The following DNAI3 variants were observed in gnomAD, a reference collection of about 807,000 sequenced individuals.
DNAI3 encodes the protein dynein axonemal intermediate chain 3.
A neutral mutation model predicts 115.5 loss-of-function variants in DNAI3; 83 were observed. The observed-to-expected ratio is 0.72, with a 90% confidence interval of 0.60 to 0.86. The LOEUF (loss-of-function observed/expected upper bound fraction) is 0.86, where lower values mean the gene tolerates loss of function less well. DNAI3 is among the 40% of genes least tolerant of loss of function. The pLI, the probability that DNAI3 is intolerant of heterozygous loss-of-function variation, is 0.00. For missense variants in DNAI3, 1,004 were observed against 1,075.8 expected (o/e 0.93, Z 0.93); for synonymous variants, 320 against 347.0 (o/e 0.92, Z 0.86).
chr1:85,062,804 TAATGAATG>T (rs10573039), intron 1 of DNAI3, among the ~76,000 whole-genome samples: 2,473 of 150,750 alleles, frequency 0.016, 35 homozygotes, highest in African/African-American at 0.036. Flanking sequence ...ATGAGTCAGT[TAATGAATG>T]AATGAATGAA....
rs1273149525 is a variant in DNAI3 at position 85,121,165 on chromosome 1, C to T, written c.1918-586C>T. 2.6e-5 allele frequency among the ~76,000 whole-genome samples: 4 copies of T among 152,332 alleles called. No homozygotes were observed. In the East Asian group the frequency reaches 7.7e-4, roughly 29 times the overall value. ...TTCATCGGTTCTCTCTGTCTTTCCC[C>T]TTTGCATGACTGTTTCTTCCTCTTC... On this transcript the variant is annotated intron_variant, in intron 17 of 22. Transcript: ENST00000294664.
chr1:85,093,631 G>A lies in DNAI3; in HGVS notation c.1031G>A (p.Trp344Ter), dbSNP rs780819785. ...PTEKMITCVSWHPTIYGLIAV... is the reference protein window; with the variant it reads ...PTEKMITCVS ...GAGAAAATGATTACCTGTGTCTCAT[G>A]GCATCCAACTATCTATGGTGAGATG... The change falls in exon 9 of 23, where the codon TGG (tryptophan) becomes TAG (stop). Residue 344 changes from tryptophan to a stop codon, truncating the protein, a stop_gained. Transcript: ENST00000294664. LOFTEE classifies it high-confidence loss of function. The A allele has an allele frequency of 4.3e-6, 7 of 1,614,026 alleles. No individual in the cohort carries two copies. Among genetic ancestry groups the A allele is most frequent in the Non-Finnish European group, 5.9e-6 (7 of 1,179,942 alleles).
intron 20 of DNAI3, among the ~76,000 whole-genome samples, chr1:85,127,807 A>G (rs1656193475): frequency 6.6e-6 from 1 of 152,120 alleles, no homozygotes; most frequent in Non-Finnish European, 1.5e-5. Flanking sequence ...ACACACACAC[A>G]GTGAGATAGA....
At position 85,072,729 on chromosome 1, in the gene DNAI3, A is replaced by G. The variant is rs1252475320; in HGVS notation, c.65-325A>G. Among the ~76,000 whole-genome samples the G allele has an allele frequency of 8.6e-5, 13 of 151,232 alleles. No homozygotes were observed. The South Asian group carries it at 1.5e-3, about 17-fold the overall frequency. ...CCAGCACTTTGGGAGGCCAAGGTGG[A>G]CGGATCACAAGGTCAGGAGATGGAG... On this transcript the variant is annotated intron_variant, in intron 2 of 22. Coordinates refer to ENST00000294664, the MANE Select transcript of DNAI3 (RefSeq NM_145172.5).
Position 85,094,570 on chromosome 1 carries a change from T to G in DNAI3, c.1173+15T>G, listed in dbSNP as rs375446334. On this transcript the variant is annotated intron_variant, in intron 10 of 22. Transcript: ENST00000294664. ...TACATCCTCAGGTAATTAGGGAGAG[T>G]TGCCTACATAGCCTAAATTTTCAAA... is the stretch of plus-strand genomic sequence containing the variant. The G allele has an allele frequency of 2.5e-4, 404 of 1,612,374 alleles. No homozygotes were observed. The highest frequency in any genetic ancestry group is 3.3e-4 in the Non-Finnish European group (393 of 1,179,436).
intron 5 of DNAI3, among the ~76,000 whole-genome samples, chr1:85,083,254 C>G (rs1009499195): frequency 6.6e-6 from 1 of 152,154 alleles, no homozygotes; most frequent in African/African-American, 2.4e-5. Context: ...CTTCGGGAGG[C>G]TGAGGCGGGA....
At chr1:85,108,338 G>A (rs709759) in intron 15 of DNAI3, among the ~76,000 whole-genome samples, 161 bp downstream of exon 15, 78,227 of 151,814 alleles carry the variant, frequency 0.52, 20,798 homozygotes, top group African/African-American at 0.64. Flanking sequence ...TCCTTGATTG[G>A]GAGGATTTTT....
intron 3 of DNAI3, among the ~76,000 whole-genome samples, chr1:85,075,642 G>A (rs1654429305): frequency 6.6e-6 from 1 of 152,096 alleles, no homozygotes; most frequent in Non-Finnish European, 1.5e-5. Flanking sequence ...AAGGAGCCAA[G>A]GTATCAATAG....
rs78116086 is a variant in DNAI3, at chr1:85,068,840, G to C, written c.-14-3088G>C. On this transcript the variant is annotated intron_variant, in intron 1 of 22. Transcript: ENST00000294664. The stretch of plus-strand genomic sequence containing the variant: ...ATTGACTTACTTGCTTAGGCCAATA[G>C]AATGTGAACAGGAGGCACAACATGT... Among the ~76,000 whole-genome samples the C allele has an allele frequency of 2.6e-4, 39 of 152,340 alleles. 2 individuals are homozygous for C. The East Asian group carries it at 7.5e-3, about 29-fold the overall frequency.
intron 8 of DNAI3, among the ~76,000 whole-genome samples, chr1:85,091,715 C>T (rs760555039): frequency 1.5e-4 from 23 of 152,292 alleles, no homozygotes; most frequent in Non-Finnish European, 3.1e-4. Flanking sequence ...AGAGGAACTT[C>T]AGGGGGATTC....
chr1:85,112,932 C>T (rs912005943), intron 16 of DNAI3, among the ~76,000 whole-genome samples: 1 of 152,150 alleles, frequency 6.6e-6, no homozygotes. Flanking sequence ...CCAAGCCCAG[C>T]TAATTTTCAT....
At chr1:85,070,365 G>A (rs1316679180) in intron 1 of DNAI3, among the ~76,000 whole-genome samples, 1 of 152,178 alleles carries the variant, frequency 6.6e-6, no homozygotes, top group Non-Finnish European at 1.5e-5. Context: ...TGAAATCCAA[G>A]GGATCATCTA....
At chr1:85,128,563 G>T (rs1017649451) in intron 20 of DNAI3, 145 bp from the exon 21 acceptor site, 38 of 642,186 alleles carry the variant, frequency 5.9e-5, no homozygotes, top group Non-Finnish European at 7.4e-5. Context: ...GTCCAGCCAT[G>T]AACATCTGAT....
intron 13 of DNAI3, 69 bp downstream of exon 13, chr1:85,098,727 TG>T: frequency 6.3e-7 from 1 of 1,576,592 alleles, no homozygotes; most frequent in Admixed American, 1.9e-5. Flanking sequence ...GCAAAGAAGA[TG>T]TTTCAAGTCA....
intron 7 of DNAI3, among the ~76,000 whole-genome samples, chr1:85,088,967 G>A (rs1448679880): frequency 4.0e-5 from 6 of 151,590 alleles, no homozygotes; most frequent in Non-Finnish European, 7.4e-5. Flanking sequence ...TATGGATACT[G>A]ACCTAAACAA....
chr1:85,117,899 T>C, intron 17 of DNAI3, 40 bp downstream of exon 17: 5 of 1,588,212 alleles, frequency 3.1e-6, no homozygotes, highest in Non-Finnish European at 4.3e-6. Context: ...AATACTTATT[T>C]ATACTAAAAT....
At chr1:85,107,649 T>C (rs1655529088) in intron 14 of DNAI3, among the ~76,000 whole-genome samples, 1 of 152,204 alleles carries the variant, frequency 6.6e-6, no homozygotes, top group South Asian at 2.1e-4. Flanking sequence ...TGGGAGAGTG[T>C]GATGAAAATC....
intron 7 of DNAI3, among the ~76,000 whole-genome samples, chr1:85,089,308 AG>A (rs1283396590): frequency 6.6e-6 from 1 of 151,290 alleles, no homozygotes; most frequent in African/African-American, 2.4e-5. Context: ...CTTCAAAGCC[AG>A]GCAGCCAATC....
chr1:85,094,336 T>C (rs1655065702), intron 9 of DNAI3, 95 bp from the exon 10 acceptor site: 1 of 1,521,674 alleles, frequency 6.6e-7, no homozygotes, highest in Non-Finnish European at 8.9e-7. Context: ...GGACAAAGTG[T>C]AAATGAAGAG....
Sources: allele counts gnomAD v4.1 joint callset (sites outside exome capture counted in the v4.1 genomes callset), GRCh38; gene constraint gnomAD v4.1.1; transcripts MANE v1.5; gene names NCBI Gene and HGNC (gene_info 2026-07-23, HGNC 2026-07-21).